The following SPATA31D1 variants were observed in gnomAD, a reference collection of about 807,000 sequenced individuals.
SPATA31D1 encodes the protein SPATA31 subfamily D member 1, also known as spermatogenesis-associated protein 31D1.
In SPATA31D1, 6 loss-of-function variants were observed where a neutral mutation model predicts 13.2. The observed-to-expected ratio is 0.46, with a 90% CI of 0.25 to 0.90. SPATA31D1 has a LOEUF of 0.90. Ranked by LOEUF, SPATA31D1 falls within the 40% of genes least tolerant of loss-of-function variation. SPATA31D1 has a pLI of 0.18. For synonymous variants in SPATA31D1, 903 were observed against 718.8 expected, an observed-to-expected ratio of 1.26 and a Z score of -4.10; for missense variants, 2,445 against 1,884.7, an observed-to-expected ratio of 1.30 and a Z score of -5.50.
chr9:81,992,785 A>G lies in SPATA31D1; in HGVS notation c.2315A>G (p.Tyr772Cys). ...NMLSMENVGN[Y>C]QGYSQETVPK... ...CTTTCCATGGAGAATGTGGGGAATTATCAGGGATACAGCCAGGAGACTGTC... is the reference window on the plus strand; with the variant it reads ...CTTTCCATGGAGAATGTGGGGAATTGTCAGGGATACAGCCAGGAGACTGTC... The change falls in exon 4 of 4, where the codon TAT becomes TGT. Residue 772 changes from tyrosine to cysteine, a missense_variant. Coordinates refer to ENST00000344803, the MANE Select transcript of SPATA31D1 (RefSeq NM_001001670.3). 2 of 1,613,822 alleles carry G rather than the reference A, an allele frequency of 1.2e-6. No homozygotes were observed. Among genetic ancestry groups the G allele is most frequent in the South Asian group, 2.2e-5 (2 of 91,078 alleles).
At chr9:81,987,650 A>G (rs1307952606), upstream of SPATA31D1, among the ~76,000 whole-genome samples, 1 of 152,212 alleles carries the variant, frequency 6.6e-6, no homozygotes, top group Non-Finnish European at 1.5e-5. Flanking sequence ...GATCCCTTGA[A>G]GTTTTAATTA....
In SPATA31D1 at chr9:81,993,277, C is replaced by G; in HGVS notation, c.2807C>G (p.Ser936Cys). Reference protein sequence around the residue: ...IEIFKSKADLSTSFSHFDLPS... With the variant: ...IEIFKSKADLCTSFSHFDLPS... Reference sequence around the variant, plus strand: ...ATCTTCAAATCGAAAGCGGACCTTTCCACTTCCTTTTCCCATTTCGACCTT... The same window carrying G: ...ATCTTCAAATCGAAAGCGGACCTTTGCACTTCCTTTTCCCATTTCGACCTT... Residue 936 changes from serine to cysteine, a missense_variant, in exon 4 of 4, where the codon TCC (serine) becomes TGC (cysteine). Physicochemically the swap from Ser to Cys is moderately radical, Grantham distance 112 (BLOSUM62 -1). Coordinates refer to ENST00000344803, the MANE Select transcript of SPATA31D1 (RefSeq NM_001001670.3). 1 of 1,613,992 alleles carries G rather than the reference C, an allele frequency of 6.2e-7. No individual in the cohort carries two copies.
At chr9:81,988,323 A>G (rs147843421), upstream of SPATA31D1, among the ~76,000 whole-genome samples, 434 of 152,342 alleles carry the variant, frequency 2.8e-3, no homozygotes, top group African/African-American at 0.01. Flanking sequence ...AAGCAAGTAT[A>G]AAGGAAATTT....
At position 81,990,946 on chromosome 9, in the gene SPATA31D1, T is replaced by G; in HGVS notation, c.476T>G (p.Leu159Trp). 6.2e-7 allele frequency: 1 copy of G among 1,613,954 alleles called. No homozygotes were observed. Among genetic ancestry groups the G allele is most frequent in the Middle Eastern group, 1.7e-4 (1 of 6,058 alleles). ...LKDAAPSVSP[L>W]ASSASATESS... ...GATGCTGCTCCCTCTGTGTCCCCTT[T>G]GGCTTCTTCGGCTTCTGCGACTGAG... The change falls in exon 4 of 4, where the codon TTG (leucine) becomes TGG (tryptophan). Residue 159 changes from leucine to tryptophan, a missense_variant. Transcript: ENST00000344803.
Position 81,990,984 on chromosome 9 carries a change from C to G in SPATA31D1, c.514C>G (p.Leu172Val). The G allele has an allele frequency of 6.2e-7, 1 of 1,613,826 alleles. No individual in the cohort carries two copies. The highest frequency in any genetic ancestry group is 8.5e-7 in the Non-Finnish European group (1 of 1,179,760). Residue 172 changes from leucine to valine, a missense_variant, in exon 4 of 4, where the codon CTG becomes GTG. Leu to Val is a conservative substitution (Grantham distance 32, BLOSUM62 1). Transcript: ENST00000344803. ...SASATESSFT[L>V]ASTPSATPPE... ...TTCTGCGACTGAGTCATCGTTCACTCTGGCTTCCACCCCCTCAGCAACCCC... is the reference window on the plus strand; with the variant it reads ...TTCTGCGACTGAGTCATCGTTCACTGTGGCTTCCACCCCCTCAGCAACCCC...
chr9:81,991,870 C>G lies in SPATA31D1; in HGVS notation c.1400C>G (p.Ser467Cys), dbSNP rs1450063964. 2 of 1,613,684 alleles carry G rather than the reference C, an allele frequency of 1.2e-6. No homozygotes were observed. The highest frequency in any genetic ancestry group is 2.7e-5 in the African/African-American group (2 of 74,898). The change falls in exon 4 of 4, where the codon TCC becomes TGC. Residue 467 changes from serine to cysteine, a missense_variant. Physicochemically the swap from Ser to Cys is moderately radical, Grantham distance 112. Transcript: ENST00000344803. ...SIAVKHDLAE[S>C]FPFWASKGKL... ...GCTGTTAAGCATGACTTGGCAGAAT[C>G]CTTTCCTTTTTGGGCCAGTAAAGGC...
At chr9:81,988,700 C>G (rs554536737), upstream of SPATA31D1, 1 of 1,515,714 alleles carries the variant, frequency 6.6e-7, no homozygotes, top group Non-Finnish European at 8.9e-7. Context: ...CTTGTTGCTC[C>G]CTGCACCCTT....
At position 81,994,205 on chromosome 9, in the gene SPATA31D1, G is replaced by T. The variant is rs112978886; in HGVS notation, c.3735G>T (p.Ser1245=). ...TACTGACTAATTCCCAGGGCATCTC[G>T]AGTGGGGACATGGGAACTTCCCAGG... ...KDLLTNSQGI[S]SGDMGTSQVV... Residue 1245 remains serine (S), a synonymous_variant, in exon 4 of 4, where the codon TCG becomes TCT. Coordinates refer to ENST00000344803, the MANE Select transcript of SPATA31D1 (RefSeq NM_001001670.3). 1.5e-3 allele frequency: 2,411 copies of T among 1,614,006 alleles called. 30 individuals are homozygous for T. In the African/African-American group the frequency reaches 0.029, roughly 19 times the overall value.
chr9:81,991,341 T>A lies in SPATA31D1; in HGVS notation c.871T>A (p.Ser291Thr). ...DISQAMNPID[S>T]CARHHGPPIP... ...TTCGCAGGCCATGAATCCCATTGAT[T>A]CTTGTGCTCGTCATCACGGACCACC... is the stretch of plus-strand genomic sequence containing the variant. The change falls in exon 4 of 4, where the codon TCT (serine) becomes ACT (threonine). Residue 291 changes from serine (S) to threonine (T), a missense_variant. Transcript: ENST00000344803. 1 of 1,614,028 alleles carries A rather than the reference T, an allele frequency of 6.2e-7. No homozygotes were observed. Among genetic ancestry groups the A allele is most frequent in the Middle Eastern group, 1.7e-4 (1 of 6,046 alleles).
intron 1 of SPATA31D1, among the ~76,000 whole-genome samples, chr9:81,989,487 G>A (rs1824910979): frequency 6.6e-6 from 1 of 152,152 alleles, no homozygotes; most frequent in Admixed American, 6.5e-5. Flanking sequence ...TGTCCCATGA[G>A]GGAGCACAGA....
At chr9:81,990,700 G>C in intron 3 of SPATA31D1, 73 bp from the exon 4 acceptor site, 2 of 1,522,830 alleles carry the variant, frequency 1.3e-6, no homozygotes, top group Non-Finnish European at 1.8e-6. Flanking sequence ...ATGTGATATG[G>C]GCAGCAGGCT....
chr9:81,994,022 T>G lies in SPATA31D1; in HGVS notation c.3552T>G (p.Ile1184Met). 6.2e-7 allele frequency: 1 copy of G among 1,613,744 alleles called. No individual in the cohort carries two copies. The highest frequency in any genetic ancestry group is 2.2e-5 in the East Asian group (1 of 44,872). ...CAAGCACTTCCAATGAAACTGAAAT[T>G]TTCCCACCAAGAATATCAGTTCCTC... The part of the protein sequence containing the change: ...VKASTSNETE[I>M]FPPRISVPQD... The change falls in exon 4 of 4, where the codon ATT becomes ATG. Residue 1184 changes from isoleucine to methionine, a missense_variant. Ile to Met is a conservative substitution (Grantham distance 10, BLOSUM62 1). Coordinates refer to ENST00000344803, the MANE Select transcript of SPATA31D1 (RefSeq NM_001001670.3).
chr9:81,990,684 G>T (rs1824934446), intron 3 of SPATA31D1, 89 bp from the exon 4 acceptor site: 1 of 1,490,632 alleles, frequency 6.7e-7, no homozygotes. Context: ...TCCTGGGTTG[G>T]GGGCAATGTG....
rs756790632 is a variant in SPATA31D1 at position 81,993,292 on chromosome 9, A to G, written c.2822A>G (p.His941Arg). ...SKADLSTSFS[H>R]FDLPSSATFI... ...GCGGACCTTTCCACTTCCTTTTCCC[A>G]TTTCGACCTTCCCTCCTCAGCCACC... Residue 941 changes from histidine to arginine, a missense_variant, in exon 4 of 4, where the codon CAT becomes CGT. Coordinates refer to ENST00000344803, the MANE Select transcript of SPATA31D1 (RefSeq NM_001001670.3). 2.9e-5 allele frequency: 47 copies of G among 1,613,770 alleles called. No individual in the cohort carries two copies. Among genetic ancestry groups the G allele is most frequent in the Non-Finnish European group, 3.2e-5 (38 of 1,179,874 alleles).
chr9:81,994,676 T>G lies in SPATA31D1; in HGVS notation c.4206T>G (p.Ala1402=). 1 of 1,613,532 alleles carries G rather than the reference T, an allele frequency of 6.2e-7. No homozygotes were observed. The highest frequency in any genetic ancestry group is 8.5e-7 in the Non-Finnish European group (1 of 1,179,696). The change falls in exon 4 of 4, where the codon GCT becomes GCG. Residue 1402 remains alanine, a synonymous_variant. Coordinates refer to ENST00000344803, the MANE Select transcript of SPATA31D1 (RefSeq NM_001001670.3). ...IRAAFTGTTE[A]QKIRKDTREF... ...CTGCCTTTACTGGGACTACTGAAGC[T>G]CAGAAAATTAGGAAAGACACTAGGG...
rs370117363 is a variant in SPATA31D1, at chr9:81,993,450, G to T, written c.2980G>T (p.Val994Phe). Reference protein sequence around the residue: ...DRPHPVSSPVVQEGQGTLRRQ... With the variant: ...DRPHPVSSPVFQEGQGTLRRQ... ...TCCTCACCCTGTCTCCTCACCTGTC[G>T]TCCAAGAAGGGCAGGGGACCCTGAG... Residue 994 changes from valine to phenylalanine, a missense_variant, in exon 4 of 4, where the codon GTC becomes TTC. Val to Phe is a conservative substitution (Grantham distance 50). Transcript: ENST00000344803. 2.0e-5 allele frequency: 33 copies of T among 1,613,724 alleles called. No individual in the cohort carries two copies. In the South Asian group the frequency reaches 3.5e-4, roughly 17 times the overall value.
intron 1 of SPATA31D1, among the ~76,000 whole-genome samples, chr9:81,989,332 G>C (rs1017227060): frequency 6.6e-6 from 1 of 152,166 alleles, no homozygotes; most frequent in Non-Finnish European, 1.5e-5. Flanking sequence ...GAAGGAGAAC[G>C]GTCTCTGCTG....
Position 81,991,354 on chromosome 9 carries a change from A to G in SPATA31D1, c.884A>G (p.His295Arg). 6.2e-7 allele frequency: 1 copy of G among 1,614,034 alleles called. No individual in the cohort carries two copies. Among genetic ancestry groups the G allele is most frequent in the Non-Finnish European group, 8.5e-7 (1 of 1,179,904 alleles). ...AATCCCATTGATTCTTGTGCTCGTC[A>G]TCACGGACCACCAATCCCATCTGCT... ...AMNPIDSCAR[H>R]HGPPIPSALP... Residue 295 changes from histidine to arginine, a missense_variant, in exon 4 of 4, where the codon CAT becomes CGT. Transcript: ENST00000344803.
At chr9:81,990,193 G>A in intron 2 of SPATA31D1, 1 of 532,822 alleles carries the variant, frequency 1.9e-6, no homozygotes. Flanking sequence ...TGATGTCTGT[G>A]TTTCACGTGG....
Sources: gnomAD v4.1 joint callset for allele counts (sites outside exome capture counted in the v4.1 genomes callset) on GRCh38, gnomAD v4.1.1 for gene constraint, MANE v1.5 for transcripts, NCBI Gene and HGNC (gene_info 2026-07-23, HGNC 2026-07-21) for gene names.